The following MED14 variants were observed in gnomAD, a reference collection of about 807,000 sequenced individuals.
MED14 encodes mediator complex subunit 14.
Under a neutral mutation model 109.0 loss-of-function variants are expected in MED14, and 8 were observed. The observed-to-expected ratio is 0.07, with a 90% CI of 0.04 to 0.13. The LOEUF is 0.13. MED14 is among the 10% of genes least tolerant of loss of function. The probability of loss-of-function intolerance (pLI) is 1.00; values close to 1 mark genes in which losing one functional copy is unlikely to be tolerated. For missense variants in MED14, 711 were observed against 1,142.4 expected (o/e 0.62, Z 5.44); for synonymous variants, 399 against 408.7 (o/e 0.98, Z 0.29).
intron 14 of MED14, 28 bp from the exon 15 acceptor site, chrX:40,692,345 G>T: frequency 3.3e-6 from 3 of 922,823 alleles, no homozygotes; most frequent in Non-Finnish European, 4.3e-6. Context: ...AACACAAACA[G>T]GTAAAAAAAA....
intron 12 of MED14, among the ~76,000 whole-genome samples, chrX:40,700,609 AAG>A (rs1000417907): frequency 1.8e-5 from 2 of 110,502 alleles, no homozygotes; most frequent in Non-Finnish European, 3.8e-5. Flanking sequence ...AATTTTAAGA[AAG>A]AGTTTGTTAG....
rs1157491406 is a variant in MED14 at position 40,726,823 on chromosome X, G to A, written c.271C>T (p.Arg91Trp). ...RKIEIVQFAS[R>W]TRQLFVRLLA... is the part of the protein sequence containing the mutation. ...AATCGAACGAAGAGTTGGCGTGTCC[G>A]GCTAGCAAACTGCACTATTTCTATT... Residue 91 changes from arginine (R) to tryptophan (W), a missense_variant, in exon 3 of 31, where the codon CGG (arginine) becomes TGG (tryptophan). Physicochemically the swap from Arg to Trp is moderately radical, Grantham distance 101. Around this residue, in one of 8 missense-constraint regions of MED14, gnomAD observed 31 missense variants for 79.3 expected, o/e 0.39. Transcript: ENST00000324817. 2.5e-6 allele frequency: 3 copies of A among 1,206,113 alleles called. No homozygotes were observed. The highest frequency in any genetic ancestry group is 2.2e-5 in the Admixed American group (1 of 45,618).
rs1930904867 is a variant in MED14, at chrX:40,700,712, C to T, written c.1490+453G>A. ...CCATTTTCAATTTTATTTAGTTTAA[C>T]AGTGTGAAGCATTTAAAGGATTTTG... On this transcript the variant is annotated intron_variant, in intron 12 of 30. Transcript: ENST00000324817. Among the ~76,000 whole-genome samples, 3 of 111,611 alleles carry T rather than the reference C, an allele frequency of 2.7e-5. No homozygotes were observed. The Admixed American group carries it at 2.9e-4, about 11-fold the overall frequency.
intron 13 of MED14, among the ~76,000 whole-genome samples, chrX:40,696,204 G>A (rs769967131): frequency 1.3e-3 from 138 of 103,811 alleles, no homozygotes; most frequent in Non-Finnish European, 2.3e-3. Flanking sequence ...GCATGATCTC[G>A]GCTCACTGCA....
intron 2 of MED14, among the ~76,000 whole-genome samples, chrX:40,727,891 G>A (rs1183311010): frequency 8.9e-6 from 1 of 111,767 alleles, no homozygotes; most frequent in Non-Finnish European, 1.9e-5. Context: ...CTAGAGGCTA[G>A]CTCCTACTGA....
At chrX:40,684,722 CA>C (rs1485744146) in intron 16 of MED14, among the ~76,000 whole-genome samples, 2 of 112,197 alleles carry the variant, frequency 1.8e-5, no homozygotes, top group East Asian at 5.6e-4. Flanking sequence ...TCAAATAAAA[CA>C]GGTTTTTCAC....
intron 11 of MED14, among the ~76,000 whole-genome samples, chrX:40,702,345 TG>T (rs1480235714): frequency 1.7e-4 from 15 of 90,683 alleles, no homozygotes; most frequent in Admixed American, 4.6e-4. Context: ...ATATAAGTTT[TG>T]TTTTTTTTTT....
At chrX:40,708,808 A>C (rs188379344) in intron 10 of MED14, among the ~76,000 whole-genome samples, 2 of 111,841 alleles carry the variant, frequency 1.8e-5, no homozygotes, top group East Asian at 5.6e-4. Flanking sequence ...ATAATTTTTA[A>C]AAATTTTTTA....
chrX:40,717,941 A>C (rs921808164), intron 3 of MED14, among the ~76,000 whole-genome samples: 22 of 112,053 alleles, frequency 2.0e-4, no homozygotes, highest in Admixed American at 5.7e-4. Context: ...TCACACAAAC[A>C]CAGTGCTCTA....
chrX:40,730,646 C>T (rs1351740656), intron 1 of MED14, among the ~76,000 whole-genome samples: 1 of 111,459 alleles, frequency 9.0e-6, no homozygotes, highest in Non-Finnish European at 1.9e-5. Flanking sequence ...GCTTTGCTGC[C>T]TGCCTCCCCT....
In MED14 at chrX:40,675,262, C is replaced by CCAT; in HGVS notation, c.2977_2979dup (p.Met993dup). On this transcript the variant is annotated inframe_insertion, in exon 22 of 31. Transcript: ENST00000324817. ...GGCTGGAGCTGCGATATTAAAGAAT[C>CCAT]CATCATATCTCCTCCTATAGGAGAA... 2 of 1,194,367 alleles carry CCAT rather than the reference C, an allele frequency of 1.7e-6. No individual in the cohort carries two copies. Among genetic ancestry groups the CCAT allele is most frequent in the Non-Finnish European group, 2.3e-6 (2 of 887,963 alleles).
intron 3 of MED14, among the ~76,000 whole-genome samples, chrX:40,717,978 T>C (rs772704033): frequency 8.9e-6 from 1 of 112,481 alleles, no homozygotes; most frequent in South Asian, 3.6e-4. Flanking sequence ...TCAAACATTT[T>C]ATTTGATTTT....
rs1321357913 is a variant in MED14, at chrX:40,700,385, AAAAAAAAT to A, written c.1490+772_1490+779del. ...TCTCAAAAAAAAAAAAAAAAAAAAA[AAAAAAAAT>A]TCATGCCCTGCTAATGAAAACATTA... On this transcript the variant is annotated intron_variant, in intron 12 of 30. Transcript: ENST00000324817. Among the ~76,000 whole-genome samples the A allele has an allele frequency of 5.3e-4, 53 of 99,467 alleles. 2 individuals carry two copies. The highest frequency in any genetic ancestry group is 1.9e-3 in the African/African-American group (50 of 26,741). 86.4% of individuals were successfully genotyped at this position (99,467 alleles called of 115,157 possible). A position where few individuals can be genotyped will look rare whatever the true frequency, so the allele number is the denominator to read the frequency against.
chrX:40,698,601 C>A (rs1400209718), intron 12 of MED14, among the ~76,000 whole-genome samples: 2 of 112,004 alleles, frequency 1.8e-5, no homozygotes, highest in Non-Finnish European at 3.8e-5. Context: ...TCTTTCATTT[C>A]TTTTTTCCTA....
intron 10 of MED14, among the ~76,000 whole-genome samples, chrX:40,706,606 C>CT (rs1931151066): frequency 8.9e-6 from 1 of 111,860 alleles, no homozygotes; most frequent in Non-Finnish European, 1.9e-5. Flanking sequence ...ACTCAGATCT[C>CT]TAACATTTCT....
At chrX:40,734,172 A>C (rs1257207242) in intron 1 of MED14, among the ~76,000 whole-genome samples, 1 of 112,002 alleles carries the variant, frequency 8.9e-6, no homozygotes, top group Non-Finnish European at 1.9e-5. Context: ...TGGTGCAGAG[A>C]GGTATATCAT....
At chrX:40,673,620 G>A (rs1929805685) in intron 22 of MED14, among the ~76,000 whole-genome samples, 1 of 110,765 alleles carries the variant, frequency 9.0e-6, no homozygotes, top group African/African-American at 3.3e-5. Flanking sequence ...GCCAAGGCGG[G>A]CAGATTACCT....
In MED14 at chrX:40,654,129, T is replaced by G. The variant is rs1928973133; in HGVS notation, c.4291+235A>C. On this transcript the variant is annotated intron_variant, in intron 30 of 30. Transcript: ENST00000324817. ...GCATTAGCAACTGGGTCAGTCCCAATAGTAAATCACTAACAAAAAGTCCAG... is the reference window on the plus strand; with the variant it reads ...GCATTAGCAACTGGGTCAGTCCCAAGAGTAAATCACTAACAAAAAGTCCAG... 4 of 389,422 alleles carry G rather than the reference T, an allele frequency of 1.0e-5. No homozygotes were observed. In the Admixed American group the frequency reaches 1.9e-4, roughly 19 times the overall value. The allele number at this position is 389,422 out of a possible 1,213,427, so 32.1% of individuals were successfully genotyped here.
At chrX:40,734,007 C>T (rs913495579) in intron 1 of MED14, among the ~76,000 whole-genome samples, 3 of 112,120 alleles carry the variant, frequency 2.7e-5, no homozygotes, top group Non-Finnish European at 5.6e-5. Context: ...AAGACAACCA[C>T]AATTCAAGGA....
Sources: allele counts gnomAD v4.1 joint callset (sites outside exome capture counted in the v4.1 genomes callset), GRCh38; gene constraint gnomAD v4.1.1; regional missense constraint gnomAD v4.1.1; transcripts MANE v1.5; gene names NCBI Gene and HGNC (gene_info 2026-07-23, HGNC 2026-07-21).